Variants in CACNA1A observed in about 807,000 individuals in gnomAD.
CACNA1A encodes voltage-dependent P/Q-type calcium channel subunit alpha-1A.
In CACNA1A, 57 loss-of-function variants were observed where a neutral mutation model predicts 262.4. The ratio of observed to expected loss-of-function variants is 0.22; its 90% CI spans 0.18 to 0.27. The LOEUF is 0.27. Among genes scored for constraint, CACNA1A ranks in the 10% least tolerant of loss-of-function variants. CACNA1A has a pLI of 1.00. For missense variants in CACNA1A, 2,526 were observed against 3,562.8 expected (o/e 0.71, Z 7.41); for synonymous variants, 1,431 against 1,419.3 (o/e 1.01, Z -0.18).
At chr19:13,297,163 T>C (rs970207770) in intron 19 of CACNA1A, among the ~76,000 whole-genome samples, 7 of 152,198 alleles carry the variant, frequency 4.6e-5, no homozygotes, top group African/African-American at 1.2e-4. Flanking sequence ...CCTCATTCAA[T>C]CCTGGCAATG....
At chr19:13,469,430 T>C (rs1355935662) in intron 1 of CACNA1A, among the ~76,000 whole-genome samples, 1 of 147,366 alleles carries the variant, frequency 6.8e-6, no homozygotes, top group Non-Finnish European at 1.5e-5. Context: ...CCAAAACACC[T>C]GTTTCCAGCA....
chr19:13,212,334 T>C lies in CACNA1A; in HGVS notation c.6189+50A>G. 1 of 1,609,484 alleles carries C rather than the reference T, an allele frequency of 6.2e-7. No individual in the cohort carries two copies. On this transcript the variant is annotated intron_variant, in intron 42 of 46. Coordinates refer to ENST00000360228, the MANE Select transcript of CACNA1A (RefSeq NM_001127222.2). This position sits in a 1 kb window ranked among gnomAD's most constrained non-coding sequence, Gnocchi z 5.6. ...GTGGGGGGCCCAGATCCCTTCCACC[T>C]GAACCACCCGGGCCCTGGGAGCCAT... is the stretch of plus-strand genomic sequence containing the variant.
At chr19:13,385,435 G>A (rs1390710449) in intron 3 of CACNA1A, among the ~76,000 whole-genome samples, 1 of 151,918 alleles carries the variant, frequency 6.6e-6, no homozygotes, top group East Asian at 1.9e-4. Context: ...TCACCATGTT[G>A]GTCAGGCTGA....
chr19:13,411,694 T>TTC (rs144610146), intron 3 of CACNA1A, among the ~76,000 whole-genome samples: 19,561 of 147,696 alleles, frequency 0.13, 3,225 homozygotes, highest in African/African-American at 0.39. Flanking sequence ...CTCTTTCTCC[T>TTC]TCTCTCTCTC....
intron 1 of CACNA1A, among the ~76,000 whole-genome samples, chr19:13,455,692 G>T (rs770263516): frequency 1.3e-5 from 2 of 151,990 alleles, no homozygotes; most frequent in African/African-American, 2.4e-5. Context: ...CAGTGGAAGG[G>T]GTCAGGGCTG....
chr19:13,340,016 G>A (rs1313181080), intron 6 of CACNA1A, among the ~76,000 whole-genome samples: 3 of 152,134 alleles, frequency 2.0e-5, no homozygotes, highest in African/African-American at 7.2e-5. Context: ...GGCGGCTGAG[G>A]GTTCTCGTTC....
intron 3 of CACNA1A, among the ~76,000 whole-genome samples, chr19:13,397,370 A>G (rs2059827034): frequency 6.6e-6 from 1 of 152,192 alleles, no homozygotes; most frequent in Admixed American, 6.5e-5. Flanking sequence ...AGCCCAAGAA[A>G]CAGAGGAGGT....
chr19:13,231,001 TG>T (rs759087916), intron 35 of CACNA1A, among the ~76,000 whole-genome samples: 315 of 16,258 alleles, frequency 0.019, 1 homozygote, highest in African/African-American at 0.053. Context: ...TTTTTTTTTT[TG>T]TTTGTTTTTG....
Position 13,262,723 on chromosome 19 carries a change from C to T in CACNA1A, c.4089+11G>A. ...TCCCCCCCACCGCACCCCACCATCT[C>T]CCAATCTCACCTTGAGCTTTGGCAG... On this transcript the variant is annotated intron_variant, in intron 25 of 46. Transcript: ENST00000360228. The T allele has an allele frequency of 6.3e-7, 1 of 1,580,932 alleles. No individual in the cohort carries two copies. The highest frequency in any genetic ancestry group is 8.7e-7 in the Non-Finnish European group (1 of 1,151,876).
At chr19:13,364,911 G>A (rs1424288178) in intron 5 of CACNA1A, 2 of 154,248 alleles carry the variant, frequency 1.3e-5, no homozygotes, top group African/African-American at 4.8e-5. Context: ...AAAGTGCTGG[G>A]ATTACAGGCG....
intron 6 of CACNA1A, among the ~76,000 whole-genome samples, chr19:13,353,734 A>T (rs1401570763): frequency 1.3e-5 from 2 of 152,220 alleles, no homozygotes; most frequent in Non-Finnish European, 2.9e-5. Flanking sequence ...AAAATCTGGA[A>T]GGGAATCAAA....
intron 31 of CACNA1A, 93 bp downstream of exon 31, chr19:13,245,089 G>T: frequency 2.9e-6 from 3 of 1,051,074 alleles, no homozygotes; most frequent in South Asian, 1.3e-5. Flanking sequence ...TATGGCTTCC[G>T]GGACACACTG....
At chr19:13,208,278 A>G (rs1490063293) in intron 46 of CACNA1A, among the ~76,000 whole-genome samples, 11 of 145,736 alleles carry the variant, frequency 7.5e-5, no homozygotes, top group Non-Finnish European at 1.2e-4. Context: ...GGAGTGAGAC[A>G]GGGAGGGGAG....
intron 1 of CACNA1A, among the ~76,000 whole-genome samples, chr19:13,465,625 C>T (rs1414026014): frequency 1.3e-5 from 2 of 152,152 alleles, no homozygotes; most frequent in African/African-American, 4.8e-5. Context: ...GCTGGGACTA[C>T]AGGCACATGT....
intron 38 of CACNA1A, among the ~76,000 whole-genome samples, chr19:13,216,854 C>T (rs968576512): frequency 3.3e-5 from 5 of 152,050 alleles, no homozygotes; most frequent in African/African-American, 9.7e-5. Flanking sequence ...ACTGGGTTTA[C>T]GTTTAATATG....
intron 1 of CACNA1A, among the ~76,000 whole-genome samples, chr19:13,483,307 A>C (rs542835090): frequency 6.6e-6 from 1 of 152,288 alleles, no homozygotes; most frequent in African/African-American, 2.4e-5. Context: ...AGTGAGAAGT[A>C]CATTCGTATT....
At chr19:13,483,261 A>G (rs1979574388) in intron 1 of CACNA1A, among the ~76,000 whole-genome samples, 1 of 152,180 alleles carries the variant, frequency 6.6e-6, no homozygotes, top group Admixed American at 6.5e-5. Flanking sequence ...ACCACATGGA[A>G]TGCCACTTGC....
chr19:13,290,908 C>T (rs2057522095), intron 19 of CACNA1A, among the ~76,000 whole-genome samples: 1 of 152,238 alleles, frequency 6.6e-6, no homozygotes, highest in South Asian at 2.1e-4. Flanking sequence ...TACCATCTAC[C>T]AAGAGCAGAT....
intron 1 of CACNA1A, among the ~76,000 whole-genome samples, chr19:13,495,631 T>A (rs1568707469): frequency 1.3e-5 from 2 of 152,108 alleles, no homozygotes; most frequent in South Asian, 2.1e-4. Context: ...AAGGTACAAA[T>A]AAGGTGGTAA....
Sources: allele counts gnomAD v4.1 joint callset (sites outside exome capture counted in the v4.1 genomes callset), GRCh38; gene constraint gnomAD v4.1.1; non-coding constraint Gnocchi (gnomAD v3.1); transcripts MANE v1.5; gene names NCBI Gene and HGNC (gene_info 2026-07-23, HGNC 2026-07-21).